Variants in CERS6 observed in about 807,000 individuals in gnomAD.
CERS6 encodes the protein ceramide synthase 6.
A neutral mutation model predicts 56.8 loss-of-function variants in CERS6; 26 were observed. The ratio of observed to expected loss-of-function variants is 0.46; its 90% CI spans 0.34 to 0.63. The LOEUF (loss-of-function observed/expected upper bound fraction) is 0.63. Among genes scored for constraint, CERS6 ranks in the 30% least tolerant of loss-of-function variants. The pLI is 0.01. For synonymous variants in CERS6, 164 were observed against 173.3 expected, an observed-to-expected ratio of 0.95 and a Z score of 0.42; for missense variants, 415 against 467.5, an observed-to-expected ratio of 0.89 and a Z score of 1.04.
At chr2:168,619,515 A>G (rs1268644074) in intron 3 of CERS6, among the ~76,000 whole-genome samples, 2 of 152,158 alleles carry the variant, frequency 1.3e-5, no homozygotes, top group African/African-American at 4.8e-5. Context: ...GCAAGAAAAA[A>G]AAATCAAACA....
chr2:168,467,876 G>C (rs1027396685), intron 1 of CERS6, among the ~76,000 whole-genome samples: 3 of 152,228 alleles, frequency 2.0e-5, no homozygotes, highest in Non-Finnish European at 2.9e-5. Context: ...TGTGTGGGGG[G>C]GCCCAAGGAC....
chr2:168,464,616 G>T (rs1693837856), intron 1 of CERS6, among the ~76,000 whole-genome samples: 1 of 151,824 alleles, frequency 6.6e-6, no homozygotes, highest in African/African-American at 2.4e-5. Flanking sequence ...GGAGAGTGAG[G>T]CAGAGAGAAA....
rs1684814341 is a variant in CERS6 at position 168,769,624 on chromosome 2, G to A, written c.1117G>A (p.Gly373Arg). The A allele has an allele frequency of 1.2e-6, 2 of 1,611,628 alleles. No homozygotes were observed. Among genetic ancestry groups the A allele is most frequent in the Non-Finnish European group, 1.7e-6 (2 of 1,179,316 alleles). Residue 373 changes from glycine to arginine, a missense_variant, in exon 10 of 10, where the codon GGG becomes AGG. Coordinates refer to ENST00000305747, the MANE Select transcript of CERS6 (RefSeq NM_203463.3). ...TTTNGTSGTN[G>R]YLLTGSCSMD... ...CACCAATGGGACCAGTGGTACCAAC[G>A]GGTATCTCCTGACTGGCTCCTGCTC...
chr2:168,604,426 A>G (rs189626794), intron 3 of CERS6, among the ~76,000 whole-genome samples: 11 of 152,090 alleles, frequency 7.2e-5, no homozygotes, highest in Middle Eastern at 6.8e-3. Flanking sequence ...AGGGGTTGGT[A>G]AACTAGGGTC....
At chr2:168,701,629 C>T (rs1422611283) in intron 6 of CERS6, among the ~76,000 whole-genome samples, 7 of 152,104 alleles carry the variant, frequency 4.6e-5, no homozygotes, top group African/African-American at 1.7e-4. Flanking sequence ...CCCTCAGTAT[C>T]CATGGGGAAT....
At chr2:168,686,929 TTATCTCA>T in intron 4 of CERS6, among the ~76,000 whole-genome samples, 1 of 152,302 alleles carries the variant, frequency 6.6e-6, no homozygotes, top group Non-Finnish European at 1.5e-5. Flanking sequence ...AGGAATTTAT[TTATCTCA>T]TACATACAAT....
intron 4 of CERS6, among the ~76,000 whole-genome samples, chr2:168,667,569 C>T (rs550827921): frequency 9.9e-5 from 15 of 152,026 alleles, no homozygotes; most frequent in South Asian, 8.3e-4. Flanking sequence ...GGCTATTAGG[C>T]GGCTTTTTTT....
At chr2:168,694,937 C>CT (rs34295972) in intron 5 of CERS6, 22 bp from the exon 6 acceptor site, 59 of 1,588,508 alleles carry the variant, frequency 3.7e-5, no homozygotes, top group Non-Finnish European at 4.7e-5. Context: ...CTAATCATTC[C>CT]TTTTTTTTCT....
At position 168,634,252 on chromosome 2, in the gene CERS6, T is replaced by C. The variant is rs147226079; in HGVS notation, c.465+3210T>C. 3.8e-3 allele frequency among the ~76,000 whole-genome samples: 583 copies of C among 152,322 alleles called. 3 individuals carry two copies. Among genetic ancestry groups the C allele is most frequent in the African/African-American group, 0.013 (558 of 41,558 alleles). On this transcript the variant is annotated intron_variant, in intron 4 of 9. Coordinates refer to ENST00000305747, the MANE Select transcript of CERS6 (RefSeq NM_203463.3). ...TGTATATAAGAGAGTCTGCTCATAC[T>C]TATAATTAGCAGAGTCAAATACTTT...
chr2:168,720,866 A>C (rs1687347362), intron 8 of CERS6, among the ~76,000 whole-genome samples: 1 of 152,224 alleles, frequency 6.6e-6, no homozygotes, highest in Non-Finnish European at 1.5e-5. Flanking sequence ...CAAAAAATAT[A>C]AATGACAAAA....
intron 1 of CERS6, among the ~76,000 whole-genome samples, chr2:168,477,247 G>T (rs1009303958): frequency 2.7e-5 from 4 of 148,040 alleles, no homozygotes; most frequent in Admixed American, 6.8e-5. Flanking sequence ...TCCATTCATG[G>T]TTGGTTCCAC....
chr2:168,545,085 A>G (rs1255182228), intron 1 of CERS6, among the ~76,000 whole-genome samples: 1 of 152,090 alleles, frequency 6.6e-6, no homozygotes, highest in East Asian at 1.9e-4. Context: ...TTAAATACAT[A>G]CATGTATTTG....
chr2:168,513,581 G>A (rs1694833338), intron 1 of CERS6, among the ~76,000 whole-genome samples: 1 of 152,182 alleles, frequency 6.6e-6, no homozygotes. Flanking sequence ...GAAGACCACA[G>A]AGGTGACATG....
chr2:168,692,511 G>A (rs1197667702), intron 5 of CERS6, among the ~76,000 whole-genome samples: 1 of 152,140 alleles, frequency 6.6e-6, no homozygotes, highest in South Asian at 2.1e-4. Flanking sequence ...GCTGCAGAGG[G>A]TTTCACAGCA....
intron 3 of CERS6, among the ~76,000 whole-genome samples, chr2:168,592,249 G>A (rs954258213): frequency 2.6e-5 from 4 of 152,102 alleles, no homozygotes; most frequent in African/African-American, 7.2e-5. Flanking sequence ...TGGAGAGAGT[G>A]GACTGAATTT....
chr2:168,559,263 T>C (rs4668074), intron 2 of CERS6, among the ~76,000 whole-genome samples: 142,744 of 152,136 alleles, frequency 0.94, 67,032 homozygotes, highest in East Asian at 1. Context: ...ACAAGGTCAG[T>C]ACATTTTGTA....
At chr2:168,549,925 A>G (rs925478693) in intron 2 of CERS6, among the ~76,000 whole-genome samples, 3 of 152,086 alleles carry the variant, frequency 2.0e-5, no homozygotes, top group Non-Finnish European at 4.4e-5. Context: ...ATGATCATCC[A>G]GTATCCTGGC....
chr2:168,628,739 T>C (rs941922765), intron 3 of CERS6, among the ~76,000 whole-genome samples: 8 of 152,236 alleles, frequency 5.3e-5, no homozygotes, highest in East Asian at 1.9e-4. Flanking sequence ...CAGGGTGATA[T>C]GCAGATGAAG....
chr2:168,622,861 C>A (rs1196552764), intron 3 of CERS6, among the ~76,000 whole-genome samples: 2 of 152,210 alleles, frequency 1.3e-5, no homozygotes, highest in African/African-American at 4.8e-5. Flanking sequence ...TTTCCCCTAG[C>A]TATCATATTT....
Sources: gnomAD v4.1 joint callset for allele counts (sites outside exome capture counted in the v4.1 genomes callset) on GRCh38, gnomAD v4.1.1 for gene constraint, MANE v1.5 for transcripts, NCBI Gene and HGNC (gene_info 2026-07-23, HGNC 2026-07-21) for gene names.